The following NEBL variants were observed in gnomAD, a reference collection of about 807,000 sequenced individuals.
NEBL encodes the protein nebulette.
A neutral mutation model predicts 140.2 loss-of-function variants in NEBL; 122 were observed. The observed-to-expected ratio is 0.87, with a 90% CI of 0.75 to 1.01. NEBL has a LOEUF of 1.01. Ranked by LOEUF, NEBL falls within the 50% of genes least tolerant of loss-of-function variation. The pLI, the probability that NEBL is intolerant of heterozygous loss-of-function variation, is 0.00. For missense variants in NEBL, 1,365 were observed against 1,231.3 expected (o/e 1.11, Z -1.62); for synonymous variants, 436 against 398.9 (o/e 1.09, Z -1.11).
At position 20,840,863 on chromosome 10, in the gene NEBL, A is replaced by C. The variant is rs747623207; in HGVS notation, c.1228-14T>G. ...TTTATATTCTTTCTATGAGACAAGA[A>C]TATCACAGTTCAAAACTTAGCAGGA... On this transcript the variant is annotated splice_polypyrimidine_tract_variant and intron_variant, in intron 12 of 27. Coordinates refer to ENST00000377122, the MANE Select transcript of NEBL (RefSeq NM_006393.3). 2 of 1,436,222 alleles carry C rather than the reference A, an allele frequency of 1.4e-6. No homozygotes were observed. The highest frequency in any genetic ancestry group is 2.0e-6 in the Non-Finnish European group (2 of 1,024,278). 89.0% of individuals were successfully genotyped at this position (1,436,222 alleles called of 1,614,324 possible). A position where few individuals can be genotyped will look rare whatever the true frequency, so the allele number is the denominator to read the frequency against.
chr10:21,169,170 A>C (rs1275211406), intron 2 of NEBL, among the ~76,000 whole-genome samples: 1 of 143,120 alleles, frequency 7.0e-6, no homozygotes, highest in Non-Finnish European at 1.5e-5. Context: ...ATAATAGCTG[A>C]ATGTCGGTGG....
intron 1 of NEBL, among the ~76,000 whole-genome samples, chr10:21,267,537 CT>C (rs1564552649): frequency 6.6e-6 from 1 of 152,198 alleles, no homozygotes; most frequent in African/African-American, 2.4e-5. Flanking sequence ...TACACTTTGC[CT>C]TTATGCAAAC....
At chr10:21,224,398 G>C (rs913006390) in intron 3 of NEBL, among the ~76,000 whole-genome samples, 6 of 152,130 alleles carry the variant, frequency 3.9e-5, no homozygotes, top group Admixed American at 3.9e-4. Flanking sequence ...CCAGTGCCAT[G>C]CTGTTTTGAT....
intron 2 of NEBL, among the ~76,000 whole-genome samples, chr10:21,061,292 CATATTACATATT>C (rs1564496995): frequency 0.018 from 2,454 of 140,136 alleles, 118 homozygotes; most frequent in Non-Finnish European, 0.026. Context: ...TGATATGTAA[CATATTACATATT>C]ATGTGATATG....
chr10:20,831,617 C>A, intron 14 of NEBL, 34 bp from the exon 15 acceptor site: 1 of 1,394,358 alleles, frequency 7.2e-7, no homozygotes, highest in Non-Finnish European at 1.0e-6. Context: ...TAGTGCTCTC[C>A]AATCATTTGA....
chr10:20,888,756 C>T (rs1846761529), intron 3 of NEBL, among the ~76,000 whole-genome samples: 1 of 152,202 alleles, frequency 6.6e-6, no homozygotes, highest in Non-Finnish European at 1.5e-5. Context: ...AACTAAGGTT[C>T]AAGGGAACAC....
At chr10:20,872,473 T>C (rs1307554691) in intron 5 of NEBL, among the ~76,000 whole-genome samples, 1 of 152,110 alleles carries the variant, frequency 6.6e-6, no homozygotes, top group Non-Finnish European at 1.5e-5. Context: ...TGTCTGAATA[T>C]ATATGGAATG....
At chr10:21,249,716 A>G (rs1334713742) in intron 2 of NEBL, among the ~76,000 whole-genome samples, 1 of 151,596 alleles carries the variant, frequency 6.6e-6, no homozygotes, top group African/African-American at 2.4e-5. Flanking sequence ...AAGCTCTTTA[A>G]GTGGGGAAAA....
intron 3 of NEBL, among the ~76,000 whole-genome samples, chr10:20,974,538 T>C (rs1836713379): frequency 6.6e-6 from 1 of 152,218 alleles, no homozygotes; most frequent in Non-Finnish European, 1.5e-5. Context: ...CATGAGCCAC[T>C]GCACCCAGCC....
intron 4 of NEBL, among the ~76,000 whole-genome samples, chr10:20,920,824 T>TAGCTGAAATAAATGGAACTAATTATACTA (rs1361503617): frequency 1.3e-5 from 2 of 152,154 alleles, no homozygotes; most frequent in Non-Finnish European, 2.9e-5. Flanking sequence ...AAATGGTACA[T>TAGCTGAAATAAATGGAACTAATTATACTA]AGCTGAAATA....
chr10:21,079,612 A>G (rs997968880), intron 2 of NEBL, among the ~76,000 whole-genome samples: 1 of 152,170 alleles, frequency 6.6e-6, no homozygotes, highest in Non-Finnish European at 1.5e-5. Context: ...CTTCTCACCC[A>G]AATAGAAGGA....
chr10:20,889,791 A>G, intron 3 of NEBL, 54 bp downstream of exon 3: 1 of 1,064,852 alleles, frequency 9.4e-7, no homozygotes, highest in South Asian at 1.3e-5. Context: ...ACTTTCATCT[A>G]TATAATAAGA....
intron 4 of NEBL, among the ~76,000 whole-genome samples, chr10:20,959,518 T>C (rs371725297): frequency 4.5e-4 from 68 of 152,202 alleles, no homozygotes; most frequent in African/African-American, 1.5e-3. Context: ...AAGTTTCTTA[T>C]AGAAAAAGAT....
chr10:20,920,536 G>A (rs1191965599), intron 4 of NEBL, among the ~76,000 whole-genome samples: 2 of 152,142 alleles, frequency 1.3e-5, no homozygotes, highest in Non-Finnish European at 2.9e-5. Context: ...ACAAAAGAGT[G>A]TGTACTGTAA....
intron 4 of NEBL, among the ~76,000 whole-genome samples, chr10:20,913,676 T>C (rs1044369146): frequency 6.6e-6 from 1 of 152,208 alleles, no homozygotes; most frequent in African/African-American, 2.4e-5. Flanking sequence ...ATTTGACTTT[T>C]TGATCAATAT....
chr10:21,055,446 T>A (rs1343242230), intron 2 of NEBL, among the ~76,000 whole-genome samples: 1 of 152,148 alleles, frequency 6.6e-6, no homozygotes, highest in Non-Finnish European at 1.5e-5. Flanking sequence ...GTCAATGCTG[T>A]ATTGACACAC....
chr10:20,912,110 G>A (rs1848353472), intron 4 of NEBL, among the ~76,000 whole-genome samples: 1 of 152,032 alleles, frequency 6.6e-6, no homozygotes, highest in Admixed American at 6.6e-5. Flanking sequence ...TAGTTTTTCT[G>A]CAAATATGAA....
chr10:20,923,647 C>A (rs1412301523), intron 4 of NEBL, among the ~76,000 whole-genome samples: 1 of 100,546 alleles, frequency 9.9e-6, no homozygotes, highest in Non-Finnish European at 1.8e-5. Context: ...CCACTGCACT[C>A]CAGAGCAAGA....
chr10:21,273,769 CT>C lies in NEBL; in HGVS notation n.182+19060del, dbSNP rs1842885844. Among the ~76,000 whole-genome samples, 6 of 152,330 alleles carry C rather than the reference CT, an allele frequency of 3.9e-5. No homozygotes were observed. In the South Asian group the frequency reaches 1.2e-3, roughly 32 times the overall value. ...CTGCCCAGCTGAGGGGTGGATCTCA[CT>C]GTCTGGGACCAAAGGCTCCCAGGGT... On this transcript the variant is annotated intron_variant and non_coding_transcript_variant, in intron 1 of 8. Transcript: ENST00000675702.
Sources: allele counts gnomAD v4.1 joint callset (sites outside exome capture counted in the v4.1 genomes callset), GRCh38; gene constraint gnomAD v4.1.1; transcripts MANE v1.5; gene names NCBI Gene and HGNC (gene_info 2026-07-23, HGNC 2026-07-21).